Variants in ATXN1 observed in about 807,000 individuals in gnomAD.
ATXN1 encodes the protein ataxin 1, also known as ataxin-1.
ATXN1 carries 8 observed loss-of-function variants against 56.4 expected under a neutral mutation model. The ratio of observed to expected loss-of-function variants is 0.14; its 90% CI spans 0.08 to 0.26. ATXN1 has a LOEUF of 0.26. Ranked by LOEUF, ATXN1 falls within the 10% of genes least tolerant of loss-of-function variation. The pLI is 1.00. For synonymous variants in ATXN1, 514 were observed against 494.6 expected, an observed-to-expected ratio of 1.04 and a Z score of -0.52; for missense variants, 987 against 1,106.5, an observed-to-expected ratio of 0.89 and a Z score of 1.53.
intron 6 of ATXN1, among the ~76,000 whole-genome samples, chr6:16,405,001 T>C (rs1758657332): frequency 6.6e-6 from 1 of 152,214 alleles, no homozygotes. Flanking sequence ...TGTCCTGGTG[T>C]TTGGGTACTT....
At chr6:16,617,097 G>C (rs1763228504) in intron 3 of ATXN1, among the ~76,000 whole-genome samples, 1 of 152,100 alleles carries the variant, frequency 6.6e-6, no homozygotes. Flanking sequence ...CAGGGGTATG[G>C]AACATGCCCC....
At chr6:16,603,197 C>T (rs1012757240) in intron 3 of ATXN1, among the ~76,000 whole-genome samples, 2 of 152,170 alleles carry the variant, frequency 1.3e-5, no homozygotes, top group Non-Finnish European at 2.9e-5. Flanking sequence ...CTTGGGCCCT[C>T]GAGCCAGGCG....
chr6:16,593,819 T>A (rs1211436733), intron 3 of ATXN1, among the ~76,000 whole-genome samples: 1 of 145,126 alleles, frequency 6.9e-6, no homozygotes, highest in East Asian at 2.0e-4. Context: ...AAGCAAAAAA[T>A]TATATATATG....
chr6:16,460,592 G>A (rs1759973259), intron 6 of ATXN1, among the ~76,000 whole-genome samples: 1 of 152,210 alleles, frequency 6.6e-6, no homozygotes, highest in African/African-American at 2.4e-5. Flanking sequence ...ACACACGTGT[G>A]CAGCCCTCAA....
Position 16,670,375 on chromosome 6 carries a change from T to C in ATXN1, c.-614-12474A>G, listed in dbSNP as rs184357441. On this transcript the variant is annotated intron_variant, in intron 2 of 7. Coordinates refer to ENST00000436367, the MANE Select transcript of ATXN1 (RefSeq NM_001128164.2). ...GATCTGATCCTTGTACTCTCCAAAC[T>C]GAAAACCATGGTGACTGCAGTATAC... Among the ~76,000 whole-genome samples the C allele has an allele frequency of 1.2e-4, 18 of 152,144 alleles. No homozygotes were observed. In the East Asian group the frequency reaches 2.7e-3, roughly 23 times the overall value.
intron 2 of ATXN1, among the ~76,000 whole-genome samples, chr6:16,668,693 C>A (rs914773303): frequency 2.6e-5 from 4 of 152,154 alleles, no homozygotes; most frequent in African/African-American, 9.6e-5. Flanking sequence ...GACATCCATA[C>A]CTCCAGTTCC....
In ATXN1 at chr6:16,327,110, T is replaced by G. The variant is rs779529332; in HGVS notation, c.1201A>C (p.Thr401Pro). Residue 401 changes from threonine (T) to proline (P), a missense_variant, in exon 7 of 8, where the codon ACT becomes CCT. Thr to Pro is a conservative substitution (Grantham distance 38). Transcript: ENST00000436367. ...GTAGAAGGGGAGGCTTCACGATGAG[T>G]GGCCTGTTGCACCTCCAGGTCAGCT... is the stretch of plus-strand genomic sequence containing the variant. Reference protein sequence around the residue: ...PAADLEVQQATHREASPSTLN... With the variant: ...PAADLEVQQAPHREASPSTLN... The G allele has an allele frequency of 6.2e-7, 1 of 1,613,526 alleles. No individual in the cohort carries two copies. The highest frequency in any genetic ancestry group is 2.2e-5 in the East Asian group (1 of 44,876).
intron 6 of ATXN1, among the ~76,000 whole-genome samples, chr6:16,417,881 C>G (rs1758946910): frequency 6.6e-6 from 1 of 152,122 alleles, no homozygotes; most frequent in Admixed American, 6.5e-5. Context: ...AGTTTTCTAC[C>G]TGCCACTACC....
intron 2 of ATXN1, among the ~76,000 whole-genome samples, chr6:16,672,452 C>T (rs1189164361): frequency 6.6e-6 from 1 of 152,160 alleles, no homozygotes; most frequent in African/African-American, 2.4e-5. Flanking sequence ...AACAAGGGAC[C>T]TTCAAACATA....
chr6:16,457,442 T>A (rs1182380863), intron 6 of ATXN1, among the ~76,000 whole-genome samples: 1 of 151,136 alleles, frequency 6.6e-6, no homozygotes, highest in Non-Finnish European at 1.5e-5. Flanking sequence ...CACCCAGGCA[T>A]CAACAAGCTC....
In ATXN1 at chr6:16,326,633, C is replaced by T. The variant is rs139918586; in HGVS notation, c.1678G>A (p.Val560Met). The T allele has an allele frequency of 1.3e-4, 217 of 1,613,724 alleles. No homozygotes were observed. Among genetic ancestry groups the T allele is most frequent in the Middle Eastern group, 1.6e-4 (1 of 6,084 alleles). The change falls in exon 7 of 8, where the codon GTG becomes ATG. Residue 560 changes from valine to methionine, a missense_variant. This residue lies in a region of ATXN1 where 723 missense variants were observed against 791.7 expected (regional missense o/e 0.91). Coordinates refer to ENST00000436367, the MANE Select transcript of ATXN1 (RefSeq NM_001128164.2). The surrounding 1 kb of genome is among the most constrained non-coding windows in gnomAD (Gnocchi z 6.6). Reference protein sequence around the residue: ...AQIHLPVVQSVASPAAAPPTL... With the variant: ...AQIHLPVVQSMASPAAAPPTL... ...GGGGGAGCCGCCGCCGGGGAGGCCACGGACTGCACCACAGGCAGGTGGATC... is the reference window on the plus strand; with the variant it reads ...GGGGGAGCCGCCGCCGGGGAGGCCATGGACTGCACCACAGGCAGGTGGATC...
At chr6:16,407,107 A>T (rs1276552506) in intron 6 of ATXN1, among the ~76,000 whole-genome samples, 1 of 152,238 alleles carries the variant, frequency 6.6e-6, no homozygotes, top group East Asian at 1.9e-4. Context: ...CAGCGGCAGG[A>T]GACTAGTGAT....
intron 5 of ATXN1, among the ~76,000 whole-genome samples, chr6:16,504,657 A>G (rs1202058034): frequency 6.6e-6 from 1 of 152,212 alleles, no homozygotes; most frequent in Non-Finnish European, 1.5e-5. Context: ...AAGGGTGACA[A>G]GTCACTCAGG....
chr6:16,615,958 G>A (rs1253274051), intron 3 of ATXN1: 2 of 152,036 alleles, frequency 1.3e-5, no homozygotes, highest in Admixed American at 1.3e-4. Flanking sequence ...ACTTGAGCCT[G>A]GGAGGCAGAG....
chr6:16,448,867 C>T lies in ATXN1; in HGVS notation c.-161+37105G>A, dbSNP rs1033717923. On this transcript the variant is annotated intron_variant, in intron 6 of 7. Transcript: ENST00000436367. ...TTGCTTGCATGAAGGGTTTTCTTAA[C>T]TCCATTTTGTTAGTAAGGCTCTACA... 4.6e-5 allele frequency among the ~76,000 whole-genome samples: 7 copies of T among 152,220 alleles called. No homozygotes were observed. The South Asian group carries it at 1.4e-3, about 32-fold the overall frequency.
chr6:16,604,851 G>A lies in ATXN1; in HGVS notation c.-488-18944C>T, dbSNP rs1352145728. Among the ~76,000 whole-genome samples, 3 of 152,000 alleles carry A rather than the reference G, an allele frequency of 2.0e-5. No individual in the cohort carries two copies. The East Asian group carries it at 5.8e-4, about 29-fold the overall frequency. On this transcript the variant is annotated intron_variant, in intron 3 of 7. Transcript: ENST00000436367. ...TCCTCCCACTTTGGCTTCACAAAGT[G>A]CTGGAAATACACACTCAAGCCACTG... is the stretch of plus-strand genomic sequence containing the variant.
intron 6 of ATXN1, among the ~76,000 whole-genome samples, chr6:16,344,765 ATG>A (rs1235654133): frequency 6.6e-6 from 1 of 152,202 alleles, no homozygotes; most frequent in Non-Finnish European, 1.5e-5. Flanking sequence ...CCTTTTGATC[ATG>A]TGAGTCAATA....
intron 2 of ATXN1, among the ~76,000 whole-genome samples, chr6:16,684,651 C>T (rs370007946): frequency 2.2e-4 from 33 of 152,312 alleles, no homozygotes; most frequent in African/African-American, 6.7e-4. Context: ...CAGTTCCCAG[C>T]GTGCTCAACC....
chr6:16,480,009 G>C (rs922001131), intron 6 of ATXN1, among the ~76,000 whole-genome samples: 3 of 151,848 alleles, frequency 2.0e-5, no homozygotes, highest in Non-Finnish European at 4.4e-5. Context: ...AAAATTAGCC[G>C]GGCATTGTGA....
Sources: allele counts gnomAD v4.1 joint callset (sites outside exome capture counted in the v4.1 genomes callset), GRCh38; gene constraint gnomAD v4.1.1; regional missense constraint gnomAD v4.1.1; non-coding constraint Gnocchi (gnomAD v3.1); transcripts MANE v1.5; gene names NCBI Gene and HGNC (gene_info 2026-07-23, HGNC 2026-07-21).